MDGA2: variants seen among roughly 807,000 people sequenced by gnomAD.
The protein encoded by MDGA2 is MAM domain-containing glycosylphosphatidylinositol anchor protein 2.
A neutral mutation model predicts 117.8 loss-of-function variants in MDGA2; 40 were observed. That is an observed-to-expected ratio of 0.34 (90% CI 0.26 to 0.44). MDGA2 has a LOEUF of 0.44. Among genes scored for constraint, MDGA2 ranks in the 20% least tolerant of loss-of-function variants. The pLI is 1.00. For synonymous variants in MDGA2, 452 were observed against 439.0 expected (o/e 1.03, Z -0.37); for missense variants, 1,123 against 1,250.6 (o/e 0.90, Z 1.54).
chr14:47,328,024 G>A (rs2000031), intron 1 of MDGA2, among the ~76,000 whole-genome samples: 27,775 of 151,984 alleles, frequency 0.18, 2,862 homozygotes, highest in East Asian at 0.42. Flanking sequence ...GTGTAATGTC[G>A]AGTAATGTAC....
chr14:46,839,899 A>T (rs1211212704), downstream of MDGA2, among the ~76,000 whole-genome samples: 2 of 151,950 alleles, frequency 1.3e-5, no homozygotes, highest in Admixed American at 1.3e-4. Flanking sequence ...TTACCTTCAA[A>T]GGTTTAACTG....
chr14:46,955,420 T>C (rs962158617), intron 9 of MDGA2, among the ~76,000 whole-genome samples: 2 of 152,082 alleles, frequency 1.3e-5, no homozygotes, highest in African/African-American at 4.8e-5. Context: ...AAATAAAATA[T>C]ATGCAAATGC....
chr14:46,960,126 C>T (rs1566546283), intron 8 of MDGA2, among the ~76,000 whole-genome samples: 1 of 151,906 alleles, frequency 6.6e-6, no homozygotes, highest in Non-Finnish European at 1.5e-5. Context: ...GAGGCTGAGG[C>T]AGGGGAATCG....
intron 1 of MDGA2, chr14:47,444,062 T>C (rs1036641881): frequency 1.9e-5 from 3 of 157,208 alleles, no homozygotes; most frequent in African/African-American, 7.2e-5. Context: ...ACTTTTATTT[T>C]TGTTTATTGT....
chr14:47,434,247 A>G (rs964753272), intron 1 of MDGA2, among the ~76,000 whole-genome samples: 14 of 152,100 alleles, frequency 9.2e-5, no homozygotes, highest in African/African-American at 3.4e-4. Context: ...AACTATTTCA[A>G]TAATACTCAG....
intron 6 of MDGA2, among the ~76,000 whole-genome samples, chr14:47,096,652 C>G (rs183585690): frequency 6.6e-6 from 1 of 151,936 alleles, no homozygotes; most frequent in Non-Finnish European, 1.5e-5. Flanking sequence ...AGCTATTCAA[C>G]GCATATATAA....
chr14:47,379,329 G>A (rs1196197761), intron 1 of MDGA2, among the ~76,000 whole-genome samples: 1 of 152,162 alleles, frequency 6.6e-6, no homozygotes, highest in African/African-American at 2.4e-5. Flanking sequence ...AAAACAACCA[G>A]TTAACGTCAT....
At chr14:47,305,182 G>A (rs558016560) in intron 1 of MDGA2, 8 of 152,148 alleles carry the variant, frequency 5.3e-5, no homozygotes, top group African/African-American at 1.9e-4. Context: ...AACTATTATG[G>A]CAGTGCATTT....
intron 9 of MDGA2, among the ~76,000 whole-genome samples, chr14:46,942,948 A>G (rs1885050466): frequency 1.3e-5 from 2 of 151,750 alleles, no homozygotes; most frequent in Non-Finnish European, 2.9e-5. Flanking sequence ...CTAAAATATT[A>G]GTGTTTTTTA....
chr14:47,466,970 G>C (rs1046088640), intron 1 of MDGA2, among the ~76,000 whole-genome samples: 1 of 152,124 alleles, frequency 6.6e-6, no homozygotes, highest in East Asian at 1.9e-4. Context: ...ATTACTTCTA[G>C]AAAAAACAAG....
intron 1 of MDGA2, among the ~76,000 whole-genome samples, chr14:47,588,251 TATATATATATACACAC>T (rs1896367350): frequency 2.3e-5 from 2 of 87,236 alleles, no homozygotes; most frequent in Non-Finnish European, 4.7e-5. Flanking sequence ...TATATATATA[TATATATATATACACAC>T]ACACACACAC....
At chr14:47,581,762 C>T (rs540173842) in intron 1 of MDGA2, among the ~76,000 whole-genome samples, 1 of 152,066 alleles carries the variant, frequency 6.6e-6, no homozygotes, top group South Asian at 2.1e-4. Context: ...GGCGCAACAA[C>T]CTGAATTTAT....
intron 1 of MDGA2, among the ~76,000 whole-genome samples, chr14:47,449,999 T>C (rs1893206863): frequency 1.3e-5 from 2 of 152,160 alleles, no homozygotes; most frequent in Admixed American, 1.3e-4. Flanking sequence ...TCACTACTTT[T>C]TAAAAACTGT....
intron 5 of MDGA2, among the ~76,000 whole-genome samples, chr14:47,101,675 G>C (rs559190379): frequency 1.3e-5 from 2 of 152,314 alleles, no homozygotes; most frequent in African/African-American, 4.8e-5. Context: ...AATGAGAGAA[G>C]TCTCAGGAAA....
At chr14:47,480,873 G>T (rs1327081101) in intron 1 of MDGA2, among the ~76,000 whole-genome samples, 2 of 151,804 alleles carry the variant, frequency 1.3e-5, no homozygotes, top group Non-Finnish European at 2.9e-5. Flanking sequence ...ATGATTATAT[G>T]ATTCATTTTT....
chr14:47,144,239 T>C lies in MDGA2; in HGVS notation c.631A>G (p.Ile211Val), dbSNP rs927426048. The C allele has an allele frequency of 2.6e-6, 4 of 1,551,026 alleles. No homozygotes were observed. The highest frequency in any genetic ancestry group is 3.5e-6 in the Non-Finnish European group (4 of 1,146,664). The change falls in exon 4 of 17, where the codon ATA becomes GTA. Residue 211 changes from isoleucine (I) to valine (V), a missense_variant. Physicochemically the swap from Ile to Val is conservative, Grantham distance 29. Coordinates refer to ENST00000399232, the MANE Select transcript of MDGA2 (RefSeq NM_001113498.3). ...DDPVVTVHQS[I>V]GEAKEQFYYE... ...TAAAATTGTTCTTTAGCTTCACCTA[T>C]ACTTTGATGAACAGTTACTACTGGA...
At chr14:47,015,838 C>A (rs1039303652) in intron 8 of MDGA2, among the ~76,000 whole-genome samples, 3 of 151,728 alleles carry the variant, frequency 2.0e-5, no homozygotes, top group African/African-American at 7.3e-5. Context: ...AAAATAAACC[C>A]CCAAAATGCA....
chr14:47,278,539 C>T (rs575300864), intron 2 of MDGA2, among the ~76,000 whole-genome samples: 127 of 152,172 alleles, frequency 8.3e-4, no homozygotes, highest in African/African-American at 2.8e-3. Flanking sequence ...GACCTCAAAC[C>T]GGGTCCAAAA....
chr14:47,509,654 T>C (rs1185886215), intron 1 of MDGA2, among the ~76,000 whole-genome samples: 2 of 152,156 alleles, frequency 1.3e-5, no homozygotes, highest in African/African-American at 4.8e-5. Flanking sequence ...GAAAGCAGAG[T>C]ATCAAATCAA....
Sources: gnomAD v4.1 joint callset for allele counts (sites outside exome capture counted in the v4.1 genomes callset) on GRCh38, gnomAD v4.1.1 for gene constraint, MANE v1.5 for transcripts, NCBI Gene and HGNC (gene_info 2026-07-23, HGNC 2026-07-21) for gene names.